CSMD1: variants seen among roughly 807,000 people sequenced by gnomAD.
CSMD1 encodes the protein CUB and Sushi multiple domains 1.
Under a neutral mutation model 417.5 loss-of-function variants are expected in CSMD1, and 213 were observed. That is an observed-to-expected ratio of 0.51 (90% confidence interval 0.46 to 0.57). The LOEUF (loss-of-function observed/expected upper bound fraction) is 0.57, where lower values mean the gene tolerates loss of function less well. Ranked by LOEUF, CSMD1 falls within the 20% of genes least tolerant of loss-of-function variation. The pLI, the probability that CSMD1 is intolerant of heterozygous loss-of-function variation, is 0.00. For missense variants in CSMD1, 6,923 were observed against 4,529.7 expected (o/e 1.53, Z -15.17); for synonymous variants, 2,862 against 1,736.8 (o/e 1.65, Z -16.11).
At chr8:3,310,875 A>C (rs1185126397) in intron 23 of CSMD1, among the ~76,000 whole-genome samples, 1 of 152,154 alleles carries the variant, frequency 6.6e-6, no homozygotes, top group Non-Finnish European at 1.5e-5. Context: ...GGGCAAAAGA[A>C]ATCTGGAGTT....
At chr8:3,803,545 G>A (rs1039864345) in intron 5 of CSMD1, among the ~76,000 whole-genome samples, 17 of 152,276 alleles carry the variant, frequency 1.1e-4, no homozygotes, top group Non-Finnish European at 1.6e-4. Flanking sequence ...ACAGAGGTAC[G>A]CAGGAGCCCA....
intron 4 of CSMD1, among the ~76,000 whole-genome samples, chr8:4,006,620 A>T (rs1816136970): frequency 1.3e-5 from 2 of 152,184 alleles, no homozygotes; most frequent in African/African-American, 4.8e-5. Context: ...CCCCTTGTCA[A>T]ATCCATAGGT....
chr8:4,706,356 T>A (rs935882892), intron 1 of CSMD1, among the ~76,000 whole-genome samples: 1 of 152,184 alleles, frequency 6.6e-6, no homozygotes, highest in Non-Finnish European at 1.5e-5. Flanking sequence ...CAAATTATTA[T>A]ACTCCATACT....
chr8:3,334,626 G>A (rs1012332640), intron 23 of CSMD1, among the ~76,000 whole-genome samples: 14 of 152,302 alleles, frequency 9.2e-5, no homozygotes, highest in South Asian at 2.1e-4. Context: ...AGAATTAGTC[G>A]TCAATATCAG....
intron 7 of CSMD1, among the ~76,000 whole-genome samples, chr8:3,699,177 A>T (rs976180750): frequency 6.6e-6 from 1 of 152,256 alleles, no homozygotes; most frequent in African/African-American, 2.4e-5. Context: ...GAAAATTAGT[A>T]CATTACACTG....
At chr8:4,086,217 A>G (rs562219223) in intron 3 of CSMD1, among the ~76,000 whole-genome samples, 2 of 152,110 alleles carry the variant, frequency 1.3e-5, no homozygotes, top group South Asian at 2.1e-4. Flanking sequence ...GTATCACATC[A>G]CTCTTCTGGT....
chr8:3,003,563 C>G (rs1035918088), intron 52 of CSMD1, among the ~76,000 whole-genome samples: 8 of 152,180 alleles, frequency 5.3e-5, no homozygotes, highest in Admixed American at 2.6e-4. Flanking sequence ...ATGTATTTGA[C>G]AATAATTCAT....
At chr8:4,372,631 T>TAA (rs10606022) in intron 3 of CSMD1, among the ~76,000 whole-genome samples, 2 of 145,446 alleles carry the variant, frequency 1.4e-5, no homozygotes, top group Admixed American at 1.4e-4. Context: ...AAGGAAGTGT[T>TAA]AAAAAAAAAA....
At chr8:4,308,181 T>G (rs955549982) in intron 3 of CSMD1, among the ~76,000 whole-genome samples, 1 of 152,130 alleles carries the variant, frequency 6.6e-6, no homozygotes, top group Non-Finnish European at 1.5e-5. Flanking sequence ...AATATCTCTG[T>G]GAGTTAGGAG....
At chr8:3,578,290 A>G (rs80296165) in intron 9 of CSMD1, among the ~76,000 whole-genome samples, 1 of 148,098 alleles carries the variant, frequency 6.8e-6, no homozygotes, top group Non-Finnish European at 1.5e-5. Context: ...TGAGCTTTGT[A>G]CTGAGTAGAT....
intron 3 of CSMD1, among the ~76,000 whole-genome samples, chr8:4,086,626 C>G (rs1398083512): frequency 1.3e-5 from 2 of 152,202 alleles, no homozygotes; most frequent in Admixed American, 6.5e-5. Flanking sequence ...AGACGCGAGA[C>G]TTTTCTTAAT....
intron 18 of CSMD1, chr8:3,373,663 T>C (rs1232588632): frequency 1.3e-5 from 2 of 152,190 alleles, no homozygotes; most frequent in Admixed American, 6.5e-5. Flanking sequence ...GCTACAAATA[T>C]AGCTGCTCAT....
intron 7 of CSMD1, among the ~76,000 whole-genome samples, chr8:3,625,935 T>G (rs940023697): frequency 3.9e-5 from 6 of 152,206 alleles, no homozygotes; most frequent in African/African-American, 1.4e-4. Context: ...AGAGAAAATG[T>G]TTTCCTTATA....
chr8:3,987,728 T>C (rs1269063715), intron 5 of CSMD1, among the ~76,000 whole-genome samples: 1 of 152,140 alleles, frequency 6.6e-6, no homozygotes, highest in Non-Finnish European at 1.5e-5. Context: ...ACTAGCAGCA[T>C]AAAGTGCAAA....
intron 3 of CSMD1, among the ~76,000 whole-genome samples, chr8:4,085,571 A>G (rs1169265225): frequency 6.6e-6 from 1 of 152,202 alleles, no homozygotes; most frequent in African/African-American, 2.4e-5. Context: ...AGGAAGAAGA[A>G]TATGAAAGAA....
chr8:3,543,902 G>A (rs1173192028), intron 10 of CSMD1, among the ~76,000 whole-genome samples: 1 of 152,162 alleles, frequency 6.6e-6, no homozygotes, highest in Non-Finnish European at 1.5e-5. Context: ...AGGATGTGGA[G>A]GACCCTGAGA....
At chr8:3,298,345 A>G (rs1188674085) in intron 25 of CSMD1, among the ~76,000 whole-genome samples, 1 of 152,220 alleles carries the variant, frequency 6.6e-6, no homozygotes, top group Non-Finnish European at 1.5e-5. Context: ...CCAAATGTCC[A>G]TCAGCACCCA....
chr8:3,671,258 G>GTA (rs200175125), intron 7 of CSMD1, among the ~76,000 whole-genome samples: 6,039 of 105,472 alleles, frequency 0.057, 141 homozygotes, highest in Middle Eastern at 0.13. Flanking sequence ...ATATATATAT[G>GTA]TATATATATA....
chr8:3,117,541 G>A (rs1816942727), intron 42 of CSMD1, among the ~76,000 whole-genome samples: 1 of 152,054 alleles, frequency 6.6e-6, no homozygotes, highest in East Asian at 1.9e-4. Context: ...TTCATTCAAA[G>A]GTCCTGTATG....
Sources: allele counts gnomAD v4.1 joint callset (sites outside exome capture counted in the v4.1 genomes callset), GRCh38; gene constraint gnomAD v4.1.1; transcripts MANE v1.5; gene names NCBI Gene and HGNC (gene_info 2026-07-23, HGNC 2026-07-21).